ZNF549: variants seen among roughly 807,000 people sequenced by gnomAD.
The protein encoded by ZNF549 is zinc finger protein 549.
ZNF549 carries 11 observed loss-of-function variants against 11.1 expected under a neutral mutation model. The ratio of observed to expected loss-of-function variants is 0.99; its 90% CI spans 0.62 to 1.64. The LOEUF is 1.64. Among genes scored for constraint, ZNF549 ranks in the 40% most tolerant of loss-of-function variants. ZNF549 has a pLI of 0.00. For missense variants in ZNF549, 748 were observed against 765.1 expected (o/e 0.98, Z 0.26); for synonymous variants, 266 against 269.1 (o/e 0.99, Z 0.11).
rs57279320 is a variant in ZNF549, at chr19:57,530,829, T to C, written c.34-241T>C. 4.6e-5 allele frequency among the ~76,000 whole-genome samples: 7 copies of C among 152,116 alleles called. No homozygotes were observed. The East Asian group carries it at 1.3e-3, about 29-fold the overall frequency. On this transcript the variant is annotated intron_variant, in intron 1 of 3. Coordinates refer to ENST00000376233, the MANE Select transcript of ZNF549 (RefSeq NM_001199295.2). Reference sequence around the variant, plus strand: ...AAACACCAGAGTTTTAAAAAATGTTTACAGAAATCTTAATGCAATAGTCAG... The same window carrying C: ...AAACACCAGAGTTTTAAAAAATGTTCACAGAAATCTTAATGCAATAGTCAG...
chr19:57,536,629 C>T (rs1248884893), intron 3 of ZNF549, among the ~76,000 whole-genome samples: 1 of 152,166 alleles, frequency 6.6e-6, no homozygotes, highest in African/African-American at 2.4e-5. Flanking sequence ...CTATTGAAAA[C>T]CATTGACAGA....
intron 2 of ZNF549, among the ~76,000 whole-genome samples, chr19:57,533,480 T>C (rs1305590449): frequency 6.6e-6 from 1 of 152,228 alleles, no homozygotes; most frequent in Non-Finnish European, 1.5e-5. Flanking sequence ...TATGGCATAT[T>C]TTAAAATGAT....
In ZNF549 at chr19:57,538,437, G is replaced by T. The variant is rs1307084929; in HGVS notation, c.1433G>T (p.Cys478Phe). ...TGERAYECSD[C>F]GKAFISKQTL... is the part of the protein sequence containing the mutation. ...GAAAGGGCTTATGAATGCAGTGACT[G>T]TGGGAAAGCCTTCATCTCCAAACAA... The change falls in exon 4 of 4, where the codon TGT (cysteine) becomes TTT (phenylalanine). Residue 478 changes from cysteine (C) to phenylalanine (F), a missense_variant. Physicochemically the swap from Cys to Phe is radical, Grantham distance 205. Coordinates refer to ENST00000376233, the MANE Select transcript of ZNF549 (RefSeq NM_001199295.2). The T allele has an allele frequency of 6.2e-7, 1 of 1,614,202 alleles. No homozygotes were observed. The highest frequency in any genetic ancestry group is 8.5e-7 in the Non-Finnish European group (1 of 1,180,032).
intron 2 of ZNF549, among the ~76,000 whole-genome samples, chr19:57,531,862 T>G (rs2089905613): frequency 6.6e-6 from 1 of 152,226 alleles, no homozygotes; most frequent in South Asian, 2.1e-4. Flanking sequence ...GTTGTTTATT[T>G]CTGGAATTAT....
chr19:57,540,775 CA>C lies in ZNF549; in HGVS notation c.*1853del, dbSNP rs1349420586. ...ACTTCTCAAAAAACAAAAACAAAAA[CA>C]AAAAGAACAGATAAGAAATACGTGT... On this transcript the variant is annotated 3_prime_UTR_variant, in exon 4 of 4. Transcript: ENST00000376233. 6.6e-6 allele frequency: 1 copy of C among 151,756 alleles called. No homozygotes were observed. The highest frequency in any genetic ancestry group is 1.5e-5 in the Non-Finnish European group (1 of 67,904). The allele number at this position is 151,756 out of a possible 1,614,324, so 9.4% of individuals were successfully genotyped here. A position where few individuals can be genotyped will look rare whatever the true frequency, so the allele number is the denominator to read the frequency against.
At position 57,538,895 on chromosome 19, in the gene ZNF549, C is replaced by T. The variant is rs774426644; in HGVS notation, c.1891C>T (p.His631Tyr). The change falls in exon 4 of 4, where the codon CAC becomes TAC. Residue 631 changes from histidine (H) to tyrosine (Y), a missense_variant. Transcript: ENST00000376233. ...AFNKRYSLVR[H>Y]QKVHITEEP is the part of the protein sequence containing the mutation. ...CAACAAAAGATATTCCCTTGTCAGGCACCAGAAGGTACATATAACAGAAGA... is the reference window on the plus strand; with the variant it reads ...CAACAAAAGATATTCCCTTGTCAGGTACCAGAAGGTACATATAACAGAAGA... 1 of 1,606,534 alleles carries T rather than the reference C, an allele frequency of 6.2e-7. No homozygotes were observed. Among genetic ancestry groups the T allele is most frequent in the Non-Finnish European group, 8.5e-7 (1 of 1,179,808 alleles).
At chr19:57,532,907 C>G (rs1030480095) in intron 2 of ZNF549, among the ~76,000 whole-genome samples, 3 of 152,166 alleles carry the variant, frequency 2.0e-5, no homozygotes, top group Admixed American at 6.5e-5. Flanking sequence ...GTTTGATGCT[C>G]TGTGGTCAGG....
Position 57,538,131 on chromosome 19 carries a change from G to A in ZNF549, c.1127G>A (p.Arg376His), listed in dbSNP as rs546163846. The A allele has an allele frequency of 2.5e-5, 41 of 1,613,892 alleles. No homozygotes were observed. The highest frequency in any genetic ancestry group is 4.0e-5 in the African/African-American group (3 of 74,868). Residue 376 changes from arginine (R) to histidine (H), a missense_variant, in exon 4 of 4, where the codon CGC (arginine) becomes CAC (histidine). Physicochemically the swap from Arg to His is conservative, Grantham distance 29. Coordinates refer to ENST00000376233, the MANE Select transcript of ZNF549 (RefSeq NM_001199295.2). ...CGKSFIHSYD[R>H]IRHQRVHTGE... ...AAATCTTTTATTCATTCCTATGACC[G>A]CATTCGACACCAGAGAGTTCACACT...
At chr19:57,534,501 G>C (rs1443681233) in intron 2 of ZNF549, among the ~76,000 whole-genome samples, 4 of 152,112 alleles carry the variant, frequency 2.6e-5, no homozygotes, top group Non-Finnish European at 5.9e-5. Context: ...AGCAGCTGGG[G>C]GCCAAGCTTT....
In ZNF549 at chr19:57,540,134, T is replaced by A. The variant is rs775418192; in HGVS notation, c.*1207T>A. ...GAACATACACCTTGCCTTCCAGATA[T>A]GTGGTTTTTGTGATTCACCCAGATC... On this transcript the variant is annotated 3_prime_UTR_variant, in exon 4 of 4. Transcript: ENST00000376233. 6.6e-6 allele frequency: 1 copy of A among 152,226 alleles called. No individual in the cohort carries two copies. The highest frequency in any genetic ancestry group is 1.5e-5 in the Non-Finnish European group (1 of 68,042). The allele number at this position is 152,226 out of a possible 1,614,324, so 9.4% of individuals were successfully genotyped here. A position where few individuals can be genotyped will look rare whatever the true frequency, so the allele number is the denominator to read the frequency against.
intron 1 of ZNF549, among the ~76,000 whole-genome samples, chr19:57,529,862 G>A (rs917735287): frequency 6.6e-5 from 10 of 151,798 alleles, no homozygotes; most frequent in African/African-American, 2.4e-4. Flanking sequence ...CTCCAGCCTG[G>A]GCGACAGAGC....
In ZNF549 at chr19:57,532,252, G is replaced by A. The variant is rs533627967; in HGVS notation, c.72+1144G>A. On this transcript the variant is annotated intron_variant, in intron 2 of 3. Transcript: ENST00000376233. Reference sequence around the variant, plus strand: ...ATAACTGTGTATTGTAAACTGGGGAGTAAATGCCCTTCGTGGGGTCTCTAG... The same window carrying A: ...ATAACTGTGTATTGTAAACTGGGGAATAAATGCCCTTCGTGGGGTCTCTAG... 3.3e-5 allele frequency among the ~76,000 whole-genome samples: 5 copies of A among 152,268 alleles called. No homozygotes were observed. In the East Asian group the frequency reaches 9.6e-4, roughly 29 times the overall value.
chr19:57,528,568 C>T (rs982496574), intron 1 of ZNF549, among the ~76,000 whole-genome samples: 2 of 152,222 alleles, frequency 1.3e-5, no homozygotes, highest in East Asian at 3.9e-4. Flanking sequence ...AAGCTGCCTG[C>T]AGATAGGAGG....
At chr19:57,528,134 C>T (rs914931170) in intron 1 of ZNF549, among the ~76,000 whole-genome samples, 2 of 152,112 alleles carry the variant, frequency 1.3e-5, no homozygotes, top group Non-Finnish European at 2.9e-5. Flanking sequence ...CTGAAGGGAC[C>T]TAAGTAATAA....
intron 1 of ZNF549, among the ~76,000 whole-genome samples, chr19:57,528,153 G>A (rs1263995332): frequency 2.0e-5 from 3 of 152,300 alleles, no homozygotes; most frequent in Middle Eastern, 3.4e-3. Context: ...AAGAATCTTG[G>A]TAGATCTTAA....
chr19:57,539,720 GCACT>G lies in ZNF549; in HGVS notation c.*794_*797del. 1 of 152,170 alleles carries G rather than the reference GCACT, an allele frequency of 6.6e-6. No individual in the cohort carries two copies. The highest frequency in any genetic ancestry group is 1.5e-5 in the Non-Finnish European group (1 of 68,034). The allele number at this position is 152,170 out of a possible 1,614,324, so 9.4% of individuals were successfully genotyped here. ...TTGCAGTGATGCTTCATATTTCCCAGCACTGTTCATGGTATCTTATTTCCCAGGT... is the reference window on the plus strand; with the variant it reads ...TTGCAGTGATGCTTCATATTTCCCAGGTTCATGGTATCTTATTTCCCAGGT... On this transcript the variant is annotated 3_prime_UTR_variant, in exon 4 of 4. Coordinates refer to ENST00000376233, the MANE Select transcript of ZNF549 (RefSeq NM_001199295.2).
intron 2 of ZNF549, among the ~76,000 whole-genome samples, chr19:57,533,310 C>T (rs911445151): frequency 6.6e-6 from 1 of 152,078 alleles, no homozygotes; most frequent in Admixed American, 6.5e-5. Context: ...GTTTATTATG[C>T]TTTTTCTCTC....
chr19:57,536,791 C>T (rs1352641820), intron 3 of ZNF549, among the ~76,000 whole-genome samples: 2 of 152,148 alleles, frequency 1.3e-5, no homozygotes, highest in Non-Finnish European at 2.9e-5. Flanking sequence ...CTCCCTTGTC[C>T]TGAAAACAAA....
chr19:57,527,521 G>GGATCCCGGGCTTTACCGCCCGCCT lies in ZNF549; in HGVS notation c.-52_-29dup. The stretch of plus-strand genomic sequence containing the variant: ...AGCGATTTGCCACCGCACGCACGCC[G>GGATCCCGGGCTTTACCGCCCGCCT]GATCCCGGGCTTTACCGCCCGCCTT... On this transcript the variant is annotated 5_prime_UTR_variant, in exon 1 of 4. Coordinates refer to ENST00000376233, the MANE Select transcript of ZNF549 (RefSeq NM_001199295.2). The GGATCCCGGGCTTTACCGCCCGCCT allele has an allele frequency of 6.2e-7, 1 of 1,611,078 alleles. No homozygotes were observed. The highest frequency in any genetic ancestry group is 1.7e-5 in the Admixed American group (1 of 59,904).
Sources: allele counts gnomAD v4.1 joint callset (sites outside exome capture counted in the v4.1 genomes callset), GRCh38; gene constraint gnomAD v4.1.1; transcripts MANE v1.5; gene names NCBI Gene and HGNC (gene_info 2026-07-23, HGNC 2026-07-21).